Variants in NAA11 observed in about 807,000 individuals in gnomAD.
NAA11 encodes the protein N-alpha-acetyltransferase 11.
NAA11 carries 15 observed loss-of-function variants against 16.1 expected under a neutral mutation model. The ratio of observed to expected loss-of-function variants is 0.93; its 90% confidence interval spans 0.62 to 1.44. NAA11 has a LOEUF of 1.44. Among genes scored for constraint, NAA11 ranks in the 40% most tolerant of loss-of-function variants. NAA11 has a pLI of 0.00. For synonymous variants in NAA11, 122 were observed against 112.4 expected, an observed-to-expected ratio of 1.09 and a Z score of -0.54; for missense variants, 298 against 291.3, an observed-to-expected ratio of 1.02 and a Z score of -0.17.
the NAA11 span, among the ~76,000 whole-genome samples, chr4:79,207,358 G>A: frequency 1.8e-5 from 2 of 109,982 alleles, no homozygotes; most frequent in Non-Finnish European, 3.6e-5. Flanking sequence ...AATTAAGGTT[G>A]AATGAGGTTA....
chr4:79,179,777 T>A, the NAA11 span, among the ~76,000 whole-genome samples: 148,857 of 152,334 alleles, frequency 0.98, 72,823 homozygotes, highest in East Asian at 1. Context: ...TGGTTCTATT[T>A]GTTCATTTTC....
chr4:79,219,904 G>T, the NAA11 span, among the ~76,000 whole-genome samples: 2 of 152,112 alleles, frequency 1.3e-5, no homozygotes, highest in Non-Finnish European at 2.9e-5. Flanking sequence ...TTCTCCAACT[G>T]TCCCCAAATA....
chr4:79,159,151 AC>A, the NAA11 span, among the ~76,000 whole-genome samples: 1 of 152,216 alleles, frequency 6.6e-6, no homozygotes, highest in Non-Finnish European at 1.5e-5. Context: ...TAAACAGACA[AC>A]CCACAGAGTG....
chr4:79,246,605 C>G (rs1223581300), intron 2 of NAA11, among the ~76,000 whole-genome samples: 1 of 152,070 alleles, frequency 6.6e-6, no homozygotes, highest in Non-Finnish European at 1.5e-5. Context: ...TAACACACTT[C>G]GAAAATGCGA....
intron 2 of NAA11, among the ~76,000 whole-genome samples, chr4:79,248,270 G>A (rs1377889601): frequency 3.3e-5 from 5 of 151,986 alleles, no homozygotes; most frequent in African/African-American, 7.3e-5. Context: ...TCACCAGCCC[G>A]CCTGCACCTT....
downstream of NAA11, among the ~76,000 whole-genome samples, chr4:79,224,378 A>T (rs1471831507): frequency 6.6e-6 from 1 of 152,156 alleles, no homozygotes; most frequent in African/African-American, 2.4e-5. Flanking sequence ...AATAACATCT[A>T]CAGTTCTTGC....
the NAA11 span, among the ~76,000 whole-genome samples, chr4:79,181,105 C>A: frequency 6.7e-3 from 1,015 of 151,914 alleles, 3 homozygotes; most frequent in Non-Finnish European, 0.012. Context: ...GGGAGGGATA[C>A]CATTAGGAGG....
intron 1 of NAA11, among the ~76,000 whole-genome samples, chr4:79,304,596 T>TA (rs1723509999): frequency 6.6e-6 from 1 of 152,244 alleles, no homozygotes; most frequent in South Asian, 2.1e-4. Context: ...ATAATGATAT[T>TA]AAATTGTAAG....
chr4:79,286,090 T>C (rs1722900900), intron 2 of NAA11, among the ~76,000 whole-genome samples: 1 of 152,096 alleles, frequency 6.6e-6, no homozygotes, highest in Admixed American at 6.6e-5. Flanking sequence ...GATTTTACTC[T>C]GAAATTTTAC....
chr4:79,189,145 C>CAAAAAAAAAAAAAA, the NAA11 span, among the ~76,000 whole-genome samples: 89 of 42,294 alleles, frequency 2.1e-3, 22 homozygotes, highest in South Asian at 6.9e-3. Context: ...GACTCCATCT[C>CAAAAAAAAAAAAAA]AAAAAAAAAA....
intron 2 of NAA11, among the ~76,000 whole-genome samples, chr4:79,258,138 C>A (rs1722161641): frequency 6.6e-6 from 1 of 152,220 alleles, no homozygotes; most frequent in African/African-American, 2.4e-5. Flanking sequence ...GCAGGAGCTC[C>A]CAGGGGTCAG....
chr4:79,322,959 T>C (rs1289721647), intron 1 of NAA11, among the ~76,000 whole-genome samples: 2 of 152,166 alleles, frequency 1.3e-5, no homozygotes, highest in African/African-American at 2.4e-5. Context: ...TAGTGTGTTA[T>C]AGCTTCGGTT....
chr4:79,190,355 T>C, the NAA11 span, among the ~76,000 whole-genome samples: 1 of 152,210 alleles, frequency 6.6e-6, no homozygotes, highest in East Asian at 1.9e-4. Context: ...TTTTAAAAAG[T>C]TTGTATATGA....
At chr4:79,240,687 G>GA (rs1315530379) in intron 2 of NAA11, among the ~76,000 whole-genome samples, 5 of 152,036 alleles carry the variant, frequency 3.3e-5, no homozygotes, top group South Asian at 2.1e-4. Flanking sequence ...TTATGCCACT[G>GA]AAAAAACATA....
chr4:79,268,223 T>C (rs7684235), intron 2 of NAA11, among the ~76,000 whole-genome samples: 68,763 of 152,010 alleles, frequency 0.45, 16,088 homozygotes, highest in Middle Eastern at 0.56. Context: ...GATACAAACT[T>C]AGGGATGGCC....
At chr4:79,215,531 A>G in the NAA11 span, among the ~76,000 whole-genome samples, 4 of 152,284 alleles carry the variant, frequency 2.6e-5, no homozygotes, top group East Asian at 3.9e-4. Context: ...GGGTTTCCTC[A>G]GCTGTGGTAC....
At chr4:79,187,841 C>CA in the NAA11 span, among the ~76,000 whole-genome samples, 2 of 150,766 alleles carry the variant, frequency 1.3e-5, no homozygotes, top group African/African-American at 2.4e-5. Context: ...CTAAAAAATA[C>CA]AAAAAAAATT....
chr4:79,185,102 T>C, the NAA11 span, among the ~76,000 whole-genome samples: 2 of 152,174 alleles, frequency 1.3e-5, no homozygotes, highest in African/African-American at 4.8e-5. Flanking sequence ...ATATTCCATT[T>C]GACAGGGCTA....
chr4:79,229,342 C>T (rs1404759276), intron 2 of NAA11, among the ~76,000 whole-genome samples: 1 of 151,822 alleles, frequency 6.6e-6, no homozygotes, highest in Non-Finnish European at 1.5e-5. Flanking sequence ...AATACCTCTG[C>T]TCTTTTGTCA....
Sources: gnomAD v4.1 joint callset for allele counts (sites outside exome capture counted in the v4.1 genomes callset) on GRCh38, gnomAD v4.1.1 for gene constraint, MANE v1.5 for transcripts, NCBI Gene and HGNC (gene_info 2026-07-23, HGNC 2026-07-21) for gene names.